The following FOCAD variants were observed in gnomAD, a reference collection of about 807,000 sequenced individuals.
The protein encoded by FOCAD is focadhesin.
Under a neutral mutation model 225.6 loss-of-function variants are expected in FOCAD, and 198 were observed. The observed-to-expected ratio is 0.88, with a 90% CI of 0.78 to 0.99. FOCAD has a LOEUF of 0.99. Ranked by LOEUF, FOCAD falls within the 50% of genes least tolerant of loss-of-function variation. The pLI, the probability that FOCAD is intolerant of heterozygous loss-of-function variation, is 0.00. For missense variants in FOCAD, 2,713 were observed against 2,123.6 expected, an observed-to-expected ratio of 1.28 and a Z score of -5.46; for synonymous variants, 897 against 755.0, an observed-to-expected ratio of 1.19 and a Z score of -3.08.
intron 1 of FOCAD, 32 bp from the exon 2 acceptor site, chr9:20,715,289 AG>A: frequency 1.9e-6 from 2 of 1,060,692 alleles, no homozygotes; most frequent in Non-Finnish European, 1.3e-6. Context: ...ACCAGTTGGA[AG>A]ACTAACAAAT....
At chr9:20,769,983 C>A (rs769982049) in intron 7 of FOCAD, 49 bp from the exon 8 acceptor site, 1 of 1,507,416 alleles carries the variant, frequency 6.6e-7, no homozygotes, top group South Asian at 1.2e-5. Context: ...TTAAAATTAT[C>A]TTTTGGTTTG....
At chr9:20,888,251 A>T (rs1313680910) in intron 21 of FOCAD, among the ~76,000 whole-genome samples, 1 of 144,376 alleles carries the variant, frequency 6.9e-6, no homozygotes, top group Admixed American at 7.3e-5. Context: ...CGATTCTCCC[A>T]CCTCAGTCTC....
In FOCAD at chr9:20,866,979, A is replaced by G. The variant is rs138315423; in HGVS notation, c.2157A>G (p.Ala719=). 8 of 1,539,836 alleles carry G rather than the reference A, an allele frequency of 5.2e-6. No individual in the cohort carries two copies. The African/African-American group carries it at 1.0e-4, about 20-fold the overall frequency. The part of the protein sequence containing the change: ...AAYRSLANFS[A]GEHTILHLPE... ...ATAGATCCCTGGCCAACTTTAGTGC[A>G]GGAGAACACACCATTCTTCATCTGC... Residue 719 remains alanine (A), a synonymous_variant, in exon 18 of 44, where the codon GCA becomes GCG. Coordinates refer to ENST00000338382, the MANE Select transcript of FOCAD (RefSeq NM_001375567.1).
At chr9:20,886,715 T>A (rs1414130031) in intron 21 of FOCAD, among the ~76,000 whole-genome samples, 1 of 152,178 alleles carries the variant, frequency 6.6e-6, no homozygotes, top group East Asian at 1.9e-4. Context: ...TTCTGCCAAA[T>A]GTATAGTAGG....
chr9:20,968,389 C>T, intron 35 of FOCAD, among the ~76,000 whole-genome samples: 1 of 109,902 alleles, frequency 9.1e-6, no homozygotes. Flanking sequence ...TTTATCTTTT[C>T]TAAGTTCCAA....
At chr9:20,868,871 A>C (rs1052529042) in intron 18 of FOCAD, among the ~76,000 whole-genome samples, 1 of 152,092 alleles carries the variant, frequency 6.6e-6, no homozygotes, top group Non-Finnish European at 1.5e-5. Context: ...CTGAGGACCT[A>C]TCTCTTTATG....
At chr9:20,865,562 A>G (rs1415190671) in intron 16 of FOCAD, among the ~76,000 whole-genome samples, 2 of 152,046 alleles carry the variant, frequency 1.3e-5, no homozygotes, top group African/African-American at 4.8e-5. Context: ...CTAGATGTGG[A>G]GGTGTACCAT....
At chr9:20,752,008 T>G (rs1828598520) in intron 5 of FOCAD, among the ~76,000 whole-genome samples, 2 of 145,306 alleles carry the variant, frequency 1.4e-5, no homozygotes, top group African/African-American at 5.0e-5. Flanking sequence ...TGGGGTTGTT[T>G]GTTTTTTTCT....
chr9:20,775,133 T>A (rs1235382199), intron 8 of FOCAD, among the ~76,000 whole-genome samples: 1 of 152,222 alleles, frequency 6.6e-6, no homozygotes, highest in Non-Finnish European at 1.5e-5. Flanking sequence ...TCTACTCTTA[T>A]ATCAGCGTTG....
At chr9:20,731,109 G>A (rs1826650373) in intron 4 of FOCAD, among the ~76,000 whole-genome samples, 2 of 151,962 alleles carry the variant, frequency 1.3e-5, no homozygotes, top group African/African-American at 4.8e-5. Flanking sequence ...CCTGTGGTGC[G>A]TGCCTGTAAT....
chr9:20,853,666 C>T (rs1827889014), intron 15 of FOCAD, among the ~76,000 whole-genome samples: 2 of 151,650 alleles, frequency 1.3e-5, no homozygotes, highest in Non-Finnish European at 3.0e-5. Flanking sequence ...GTTAGAAAAT[C>T]ATCAGAATTA....
chr9:20,924,449 A>ACCTCTATGG (rs1324697744), intron 25 of FOCAD, among the ~76,000 whole-genome samples: 1 of 152,190 alleles, frequency 6.6e-6, no homozygotes, highest in Non-Finnish European at 1.5e-5. Context: ...CTCTTTCAGA[A>ACCTCTATGG]CCTATTTCTC....
At chr9:20,730,095 A>G (rs542550720) in intron 4 of FOCAD, among the ~76,000 whole-genome samples, 1 of 152,286 alleles carries the variant, frequency 6.6e-6, no homozygotes, top group Non-Finnish European at 1.5e-5. Flanking sequence ...AAAATTCCCC[A>G]CTTAAGTCTC....
chr9:20,721,881 T>G (rs1043257919), intron 4 of FOCAD, among the ~76,000 whole-genome samples: 1 of 4,036 alleles, frequency 2.5e-4, no homozygotes. Flanking sequence ...TCCCCTCCCC[T>G]CCCCTTCCTC....
intron 10 of FOCAD, among the ~76,000 whole-genome samples, chr9:20,788,784 C>G (rs1237004683): frequency 6.6e-6 from 1 of 152,186 alleles, no homozygotes; most frequent in Non-Finnish European, 1.5e-5. Context: ...AATATAATCT[C>G]TGGGTATTGT....
At position 20,948,289 on chromosome 9, in the gene FOCAD, G is replaced by A. The variant is rs1430974349; in HGVS notation, c.3694G>A (p.Ala1232Thr). The change falls in exon 31 of 44, where the codon GCT becomes ACT. Residue 1232 changes from alanine to threonine, a missense_variant. Ala to Thr is a moderately conservative substitution (Grantham distance 58). Coordinates refer to ENST00000338382, the MANE Select transcript of FOCAD (RefSeq NM_001375567.1). Reference sequence around the variant, plus strand: ...ATATCAGACTTCAGGTTTTGCCCTGGCTTTAGGAAACATAGTTCATGGATT... The same window carrying A: ...ATATCAGACTTCAGGTTTTGCCCTGACTTTAGGAAACATAGTTCATGGATT... ...NSQQTSGFAL[A>T]LGNIVHGLSV... 1.2e-6 allele frequency: 2 copies of A among 1,609,290 alleles called. No individual in the cohort carries two copies. Among genetic ancestry groups the A allele is most frequent in the Non-Finnish European group, 1.7e-6 (2 of 1,177,428 alleles).
intron 8 of FOCAD, among the ~76,000 whole-genome samples, chr9:20,772,845 C>T (rs1264316820): frequency 2.0e-5 from 3 of 151,606 alleles, no homozygotes; most frequent in African/African-American, 7.3e-5. Flanking sequence ...TACTGGGACT[C>T]TAAATAACAT....
chr9:20,778,898 T>C (rs1449313841), intron 9 of FOCAD, 130 bp downstream of exon 9: 3 of 507,550 alleles, frequency 5.9e-6, no homozygotes, highest in African/African-American at 1.9e-5. Context: ...AATTATTAAA[T>C]AGAATTTTTT....
chr9:20,742,463 A>G (rs1166114346), intron 5 of FOCAD, among the ~76,000 whole-genome samples: 2 of 152,126 alleles, frequency 1.3e-5, no homozygotes, highest in Admixed American at 6.6e-5. Flanking sequence ...GCCCTACCAC[A>G]CTGTTGAGTA....
Sources: allele counts gnomAD v4.1 joint callset (sites outside exome capture counted in the v4.1 genomes callset), GRCh38; gene constraint gnomAD v4.1.1; transcripts MANE v1.5; gene names NCBI Gene and HGNC (gene_info 2026-07-23, HGNC 2026-07-21).